RGMA: variants seen among roughly 807,000 people sequenced by gnomAD.
The protein encoded by RGMA is repulsive guidance molecule BMP co-receptor a, also known as repulsive guidance molecule A.
RGMA carries 10 observed loss-of-function variants against 23.2 expected under a neutral mutation model. The observed-to-expected ratio is 0.43, with a 90% CI of 0.27 to 0.73. The LOEUF is 0.73. Ranked by LOEUF, RGMA falls within the 30% of genes least tolerant of loss-of-function variation. RGMA has a pLI of 0.20. For missense variants in RGMA, 547 were observed against 630.5 expected (o/e 0.87, Z 1.42); for synonymous variants, 308 against 279.3 (o/e 1.10, Z -1.03).
Position 93,055,364 on chromosome 15 carries a change from G to A in RGMA, c.131-2857C>T, listed in dbSNP as rs541389369. 3.3e-5 allele frequency among the ~76,000 whole-genome samples: 5 copies of A among 152,302 alleles called. No homozygotes were observed. The South Asian group carries it at 1.0e-3, about 32-fold the overall frequency. ...TAGAACCTAGGAGAGCAGGGACCGT[G>A]AAGTCCCAGCTGGCTGGCTCCGTCC... On this transcript the variant is annotated intron_variant, in intron 2 of 3. Coordinates refer to ENST00000329082, the MANE Select transcript of RGMA (RefSeq NM_020211.3).
At chr15:93,088,692 G>C in intron 1 of RGMA, 1 of 792,218 alleles carries the variant, frequency 1.3e-6, no homozygotes, top group South Asian at 2.1e-5. Context: ...CGGCTGCCCG[G>C]GGGAGAGTAT....
chr15:93,045,192 C>T lies in RGMA; in HGVS notation c.1159G>A (p.Asp387Asn), dbSNP rs755157637. ...TAGGCGGCCAGTGTGAAGTTCACGTCGCCCGTGGTGAGGAGGTCGAAGACG... is the reference window on the plus strand; with the variant it reads ...TAGGCGGCCAGTGTGAAGTTCACGTTGCCCGTGGTGAGGAGGTCGAAGACG... ...ACVFDLLTTGDVNFTLAAYYA... is the reference protein window; with the variant it reads ...ACVFDLLTTGNVNFTLAAYYA... Residue 387 changes from aspartate to asparagine, a missense_variant, in exon 4 of 4, where the codon GAC becomes AAC. Around this residue, in one of 3 missense-constraint regions of RGMA, gnomAD observed 205 missense variants for 204.1 expected, o/e 1.00. Transcript: ENST00000329082. The surrounding 1 kb of genome is among the most constrained non-coding windows in gnomAD (Gnocchi z 6.9). The T allele has an allele frequency of 9.9e-6, 16 of 1,609,950 alleles. No individual in the cohort carries two copies. The highest frequency in any genetic ancestry group is 1.7e-4 in the Middle Eastern group (1 of 6,060).
chr15:93,054,123 G>C (rs748600908), intron 2 of RGMA, among the ~76,000 whole-genome samples: 1 of 151,582 alleles, frequency 6.6e-6, no homozygotes, highest in Non-Finnish European at 1.5e-5. Context: ...CCAGCTACTC[G>C]GGAGGCTGTG....
chr15:93,079,013 G>A (rs1341895231), intron 1 of RGMA, among the ~76,000 whole-genome samples: 1 of 152,224 alleles, frequency 6.6e-6, no homozygotes, highest in Non-Finnish European at 1.5e-5. Flanking sequence ...TAACTCCTAA[G>A]CTCATCCTGC....
chr15:93,086,562 T>C (rs1247258888), intron 1 of RGMA, among the ~76,000 whole-genome samples: 1 of 152,158 alleles, frequency 6.6e-6, no homozygotes, highest in Non-Finnish European at 1.5e-5. Flanking sequence ...ACACTGGCCA[T>C]ATCCCTTCTG....
Position 93,044,979 on chromosome 15 carries a change from T to G in RGMA, c.*19A>C. On this transcript the variant is annotated 3_prime_UTR_variant, in exon 4 of 4. Transcript: ENST00000329082. ...AAGCCGAGAGGACGGAGCCCGCGCCTCCCTCCACATCTACGCGTCTAGCAG... is the reference window on the plus strand; with the variant it reads ...AAGCCGAGAGGACGGAGCCCGCGCCGCCCTCCACATCTACGCGTCTAGCAG... 6.4e-7 allele frequency: 1 copy of G among 1,574,778 alleles called. No individual in the cohort carries two copies. The highest frequency in any genetic ancestry group is 8.6e-7 in the Non-Finnish European group (1 of 1,157,106).
chr15:93,052,569 C>A, intron 2 of RGMA, 62 bp from the exon 3 acceptor site: 1 of 1,473,338 alleles, frequency 6.8e-7, no homozygotes, highest in South Asian at 1.3e-5. Context: ...CTTCTGCTAC[C>A]ATCTGTGGGC....
chr15:93,078,552 G>A (rs1387688493), intron 1 of RGMA, among the ~76,000 whole-genome samples: 1 of 152,188 alleles, frequency 6.6e-6, no homozygotes. Context: ...TGATGAATCA[G>A]TACTTGTTCT....
chr15:93,063,565 G>A (rs192424491), intron 2 of RGMA, among the ~76,000 whole-genome samples: 1 of 152,204 alleles, frequency 6.6e-6, no homozygotes, highest in Non-Finnish European at 1.5e-5. Flanking sequence ...CAGGTGTTTG[G>A]CATCAGATAC....
At position 93,042,600 on chromosome 15, in the gene RGMA, AGAG is replaced by A. The variant is rs1203538291; in HGVS notation, c.*2395_*2397del. The A allele has an allele frequency of 6.6e-6, 1 of 152,338 alleles. No individual in the cohort carries two copies. The highest frequency in any genetic ancestry group is 1.5e-5 in the Non-Finnish European group (1 of 68,114). 9.4% of individuals were successfully genotyped at this position (152,338 alleles called of 1,614,324 possible). ...TTCTGCCTCATGGCATTTAGTTTGA[AGAG>A]AAGGGGCTTCAGGACAATACTAACC... On this transcript the variant is annotated 3_prime_UTR_variant, in exon 4 of 4. Coordinates refer to ENST00000329082, the MANE Select transcript of RGMA (RefSeq NM_020211.3).
At chr15:93,072,713 C>T (rs749368849) in intron 2 of RGMA, among the ~76,000 whole-genome samples, 2 of 152,192 alleles carry the variant, frequency 1.3e-5, no homozygotes, top group Non-Finnish European at 2.9e-5. Context: ...GCAACTCGGG[C>T]AGGGTGCCCC....
Position 93,045,625 on chromosome 15 carries a change from G to C in RGMA, c.726C>G (p.Ala242=). 1 of 1,612,878 alleles carries C rather than the reference G, an allele frequency of 6.2e-7. No individual in the cohort carries two copies. Among genetic ancestry groups the C allele is most frequent in the Non-Finnish European group, 8.5e-7 (1 of 1,179,884 alleles). ...CACCGTTCTTAGAGCCATCCACGAA[G>C]GCGGCCGGGAGCTCGTCCATCTCAG... ...YQAEMDELPA[A]FVDGSKNGGD... Residue 242 remains alanine (A), a synonymous_variant, in exon 4 of 4, where the codon GCC becomes GCG. Coordinates refer to ENST00000329082, the MANE Select transcript of RGMA (RefSeq NM_020211.3). The surrounding 1 kb of genome is among the most constrained non-coding windows in gnomAD (Gnocchi z 6.9).
chr15:93,065,763 G>A lies in RGMA; in HGVS notation c.130+7153C>T, dbSNP rs983166702. On this transcript the variant is annotated intron_variant, in intron 2 of 3. Transcript: ENST00000329082. ...GACCGTGGCTGGGCTTGGTCTCACC[G>A]TCCCCACCTTCCGTGGTAGGCTGGC... 75 of 1,145,288 alleles carry A rather than the reference G, an allele frequency of 6.5e-5. 1 individual carries two copies. Among genetic ancestry groups the A allele is most frequent in the African/African-American group, 9.2e-5 (6 of 65,210 alleles). The allele number at this position is 1,145,288 out of a possible 1,614,324, so 70.9% of individuals were successfully genotyped here.
intron 1 of RGMA, among the ~76,000 whole-genome samples, chr15:93,076,750 G>A (rs1895478760): frequency 1.3e-5 from 2 of 152,186 alleles, no homozygotes; most frequent in South Asian, 2.1e-4. Context: ...GGCTGGGAAC[G>A]CTTAAGTACG....
chr15:93,073,687 G>T (rs1225579659), intron 1 of RGMA: 2 of 1,537,256 alleles, frequency 1.3e-6, no homozygotes, highest in Non-Finnish European at 1.7e-6. Context: ...GTCTGGGCAG[G>T]ATGGCTCTCT....
intron 1 of RGMA, among the ~76,000 whole-genome samples, chr15:93,077,709 G>A (rs933421106): frequency 6.6e-5 from 10 of 152,214 alleles, no homozygotes; most frequent in Admixed American, 5.9e-4. Context: ...ATTTGAGGAC[G>A]TGACATAGTG....
chr15:93,053,245 C>T (rs2054957925), intron 2 of RGMA, among the ~76,000 whole-genome samples: 1 of 152,202 alleles, frequency 6.6e-6, no homozygotes, highest in Non-Finnish European at 1.5e-5. Flanking sequence ...GACAATTAGC[C>T]AAAATGACCG....
intron 2 of RGMA, chr15:93,066,467 G>A (rs552051347): frequency 7.1e-6 from 4 of 567,120 alleles, no homozygotes; most frequent in South Asian, 4.7e-5. Context: ...CGGGTGCGGG[G>A]GCCAGGCACC....
chr15:93,041,144 C>G lies in RGMA; in HGVS notation c.*3854G>C, dbSNP rs980607862. 5 of 152,250 alleles carry G rather than the reference C, an allele frequency of 3.3e-5. No homozygotes were observed. Among genetic ancestry groups the G allele is most frequent in the African/African-American group, 1.2e-4 (5 of 41,124 alleles). 9.4% of individuals were successfully genotyped at this position (152,250 alleles called of 1,614,324 possible). ...AGTGTTCTGGTAATGATTTTCACCC[C>G]CCCGTCTGCCCCCTTCATCGTGACT... On this transcript the variant is annotated 3_prime_UTR_variant, in exon 4 of 4. Coordinates refer to ENST00000329082, the MANE Select transcript of RGMA (RefSeq NM_020211.3).
Sources: gnomAD v4.1 joint callset for allele counts (sites outside exome capture counted in the v4.1 genomes callset) on GRCh38, gnomAD v4.1.1 for gene constraint, gnomAD v4.1.1 regional missense constraint, Gnocchi (gnomAD v3.1) non-coding constraint, MANE v1.5 for transcripts, NCBI Gene and HGNC (gene_info 2026-07-23, HGNC 2026-07-21) for gene names.